The following PIP5K1B variants were observed in gnomAD, a reference collection of about 807,000 sequenced individuals.
The protein encoded by PIP5K1B is phosphatidylinositol-4-phosphate 5-kinase type 1 beta.
Under a neutral mutation model 67.0 loss-of-function variants are expected in PIP5K1B, and 42 were observed. The observed-to-expected ratio is 0.63, with a 90% CI of 0.49 to 0.81. The LOEUF is 0.81. PIP5K1B is among the 30% of genes least tolerant of loss of function. The pLI, the probability that PIP5K1B is intolerant of heterozygous loss-of-function variation, is 0.00. For missense variants in PIP5K1B, 459 were observed against 646.3 expected (o/e 0.71, Z 3.14); for synonymous variants, 214 against 231.4 (o/e 0.92, Z 0.68).
intron 4 of PIP5K1B, among the ~76,000 whole-genome samples, chr9:68,831,665 C>A (rs1006778938): frequency 4.6e-5 from 7 of 152,032 alleles, no homozygotes; most frequent in African/African-American, 1.4e-4. Flanking sequence ...GGAATGGGAA[C>A]AAATTAATAG....
chr9:68,923,399 T>A lies in PIP5K1B; in HGVS notation c.1201+13T>A. 6.9e-7 allele frequency: 1 copy of A among 1,439,060 alleles called. No individual in the cohort carries two copies. Among genetic ancestry groups the A allele is most frequent in the Non-Finnish European group, 9.6e-7 (1 of 1,042,944 alleles). The allele number at this position is 1,439,060 out of a possible 1,614,324, so 89.1% of individuals were successfully genotyped here. A position where few individuals can be genotyped will look rare whatever the true frequency, so the allele number is the denominator to read the frequency against. On this transcript the variant is annotated intron_variant, in intron 12 of 15. Transcript: ENST00000265382. ...AAGAAAATTCAAGGTAAGATTCTTA[T>A]GAATTTTTTTTTTTACTTTTAGCAG...
chr9:68,901,805 G>A (rs1232657971), intron 8 of PIP5K1B, among the ~76,000 whole-genome samples: 1 of 152,136 alleles, frequency 6.6e-6, no homozygotes, highest in Non-Finnish European at 1.5e-5. Flanking sequence ...TCTACTCTCT[G>A]GTCTTAGAAA....
chr9:68,893,402 C>T (rs1339627996), intron 7 of PIP5K1B, among the ~76,000 whole-genome samples: 12 of 139,382 alleles, frequency 8.6e-5, no homozygotes, highest in African/African-American at 2.9e-4. Context: ...GGCATGATCT[C>T]GGCTTAGTGC....
Position 68,894,321 on chromosome 9 carries a change from T to C in PIP5K1B, c.472-18T>C, listed in dbSNP as rs1824968281. On this transcript the variant is annotated intron_variant, in intron 7 of 15. Transcript: ENST00000265382. ...AAATAGAAGATTGTAAATATATTTT[T>C]CTTTTTTTGGTTTCTAGAATTTAAA... 4.1e-6 allele frequency: 6 copies of C among 1,468,684 alleles called. No individual in the cohort carries two copies. Among genetic ancestry groups the C allele is most frequent in the Non-Finnish European group, 5.6e-6 (6 of 1,064,662 alleles). 91.0% of individuals were successfully genotyped at this position (1,468,684 alleles called of 1,614,324 possible). A position where few individuals can be genotyped will look rare whatever the true frequency, so the allele number is the denominator to read the frequency against.
chr9:68,913,293 A>G (rs995146374), intron 8 of PIP5K1B, among the ~76,000 whole-genome samples: 3 of 152,200 alleles, frequency 2.0e-5, no homozygotes, highest in African/African-American at 7.2e-5. Context: ...TTGAATAGTA[A>G]ATGCACAGGT....
intron 14 of PIP5K1B, among the ~76,000 whole-genome samples, chr9:68,974,188 A>G (rs1404422798): frequency 6.6e-6 from 1 of 152,192 alleles, no homozygotes; most frequent in Non-Finnish European, 1.5e-5. Flanking sequence ...CATTCTTGCT[A>G]AGATGGATCA....
At chr9:68,877,667 G>C (rs907137490) in intron 6 of PIP5K1B, among the ~76,000 whole-genome samples, 1 of 152,124 alleles carries the variant, frequency 6.6e-6, no homozygotes, top group African/African-American at 2.4e-5. Flanking sequence ...TTATAATTTG[G>C]ATAAGATGTA....
chr9:68,958,934 C>T (rs150679998), intron 14 of PIP5K1B, among the ~76,000 whole-genome samples: 3 of 152,078 alleles, frequency 2.0e-5, no homozygotes, highest in African/African-American at 4.8e-5. Flanking sequence ...TAAGTATAAT[C>T]GTCACCTTTG....
At chr9:68,810,207 A>G (rs1833088088) in intron 2 of PIP5K1B, among the ~76,000 whole-genome samples, 1 of 152,252 alleles carries the variant, frequency 6.6e-6, no homozygotes, top group Non-Finnish European at 1.5e-5. Flanking sequence ...CCCAATTCCC[A>G]TAGGGCAAGT....
intron 8 of PIP5K1B, among the ~76,000 whole-genome samples, chr9:68,909,993 C>T (rs1456160622): frequency 6.6e-6 from 1 of 152,140 alleles, no homozygotes; most frequent in Non-Finnish European, 1.5e-5. Context: ...ATAAGAACCC[C>T]TATGACAAGG....
chr9:68,982,624 T>G (rs1829929258), intron 14 of PIP5K1B, among the ~76,000 whole-genome samples: 1 of 151,818 alleles, frequency 6.6e-6, no homozygotes, highest in African/African-American at 2.4e-5. Flanking sequence ...TAGTTGGGCA[T>G]GGTGGTGCGC....
intron 2 of PIP5K1B, among the ~76,000 whole-genome samples, chr9:68,775,535 T>C (rs750341538): frequency 6.6e-6 from 1 of 152,202 alleles, no homozygotes; most frequent in Non-Finnish European, 1.5e-5. Flanking sequence ...ATAGACAGCA[T>C]GGATGCACTG....
At chr9:68,822,519 A>T in intron 3 of PIP5K1B, 96 bp from the exon 4 acceptor site, 1 of 873,940 alleles carries the variant, frequency 1.1e-6, no homozygotes, top group Non-Finnish European at 1.8e-6. Context: ...ACAAAAACAT[A>T]CTTAACTAAA....
intron 14 of PIP5K1B, among the ~76,000 whole-genome samples, chr9:68,988,477 T>C (rs1830198865): frequency 7.4e-6 from 1 of 135,120 alleles, no homozygotes; most frequent in Non-Finnish European, 1.5e-5. Flanking sequence ...TGAGATGAAG[T>C]CTCACTCTGT....
intron 2 of PIP5K1B, chr9:68,781,317 A>G: frequency 3.4e-6 from 1 of 297,568 alleles, no homozygotes; most frequent in South Asian, 6.3e-5. Context: ...TGATTTTTTT[A>G]AATAACTGAG....
intron 8 of PIP5K1B, among the ~76,000 whole-genome samples, chr9:68,904,555 T>C (rs11144206): frequency 0.14 from 22,004 of 152,232 alleles, 1,721 homozygotes; most frequent in African/African-American, 0.2. Context: ...CTGTTACCAA[T>C]GTGCATGCAC....
intron 15 of PIP5K1B, among the ~76,000 whole-genome samples, chr9:69,002,106 G>A (rs978879770): frequency 7.2e-5 from 11 of 152,188 alleles, no homozygotes; most frequent in African/African-American, 2.7e-4. Context: ...TCTGGAGGCC[G>A]GCAGGAGGCC....
At chr9:68,809,448 A>G (rs1459711451) in intron 2 of PIP5K1B, among the ~76,000 whole-genome samples, 1 of 152,182 alleles carries the variant, frequency 6.6e-6, no homozygotes, top group Non-Finnish European at 1.5e-5. Flanking sequence ...GTTTTCATGA[A>G]TCCATATAAA....
intron 15 of PIP5K1B, 34 bp downstream of exon 15, chr9:68,991,291 CT>C (rs745756128): frequency 3.5e-6 from 4 of 1,134,070 alleles, no homozygotes; most frequent in Admixed American, 3.4e-5. Flanking sequence ...TCCTCCACTT[CT>C]GGTTTGTAAA....
Sources: allele counts gnomAD v4.1 joint callset (sites outside exome capture counted in the v4.1 genomes callset), GRCh38; gene constraint gnomAD v4.1.1; transcripts MANE v1.5; gene names NCBI Gene and HGNC (gene_info 2026-07-23, HGNC 2026-07-21).